PTPRF: variants seen among roughly 807,000 people sequenced by gnomAD.
PTPRF encodes the protein receptor-type tyrosine-protein phosphatase F.
PTPRF carries 59 observed loss-of-function variants against 201.8 expected under a neutral mutation model. That is an observed-to-expected ratio of 0.29 (90% CI 0.24 to 0.36). PTPRF has a LOEUF of 0.36. Among genes scored for constraint, PTPRF ranks in the 10% least tolerant of loss-of-function variants. The probability of loss-of-function intolerance (pLI) is 1.00; values close to 1 mark genes in which losing one functional copy is unlikely to be tolerated. For synonymous variants in PTPRF, 1,088 were observed against 1,089.7 expected (o/e 1.00, Z 0.03); for missense variants, 2,132 against 2,690.5 (o/e 0.79, Z 4.59).
chr1:43,525,804 CAAAAAAAAAAA>C (rs1179056466), upstream of PTPRF, among the ~76,000 whole-genome samples: 11 of 35,568 alleles, frequency 3.1e-4, 1 homozygote, highest in South Asian at 9.9e-3. Flanking sequence ...GACTCAGTCT[CAAAAAAAAAAA>C]AAAAAAAAAA....
chr1:43,598,006 G>C lies in PTPRF; in HGVS notation c.2072G>C (p.Gly691Ala), dbSNP rs1456513017. Residue 691 changes from glycine (G) to alanine (A), a missense_variant, in exon 12 of 34, where the codon GGC becomes GCC. Coordinates refer to ENST00000359947, the MANE Select transcript of PTPRF (RefSeq NM_002840.5). Reference sequence around the variant, plus strand: ...TGGGTGCGGGCACACACAGACGTGGGCCCCGGCCCCGAGAGCAGCCCGGTG... The same window carrying C: ...TGGGTGCGGGCACACACAGACGTGGCCCCCGGCCCCGAGAGCAGCCCGGTG... ...RVWVRAHTDV[G>A]PGPESSPVLV... 6.6e-7 allele frequency: 1 copy of C among 1,524,708 alleles called. No homozygotes were observed. 94.4% of individuals were successfully genotyped at this position (1,524,708 alleles called of 1,614,324 possible). A position where few individuals can be genotyped will look rare whatever the true frequency, so the allele number is the denominator to read the frequency against.
chr1:43,580,583 C>T (rs879258000), intron 7 of PTPRF, among the ~76,000 whole-genome samples: 6 of 152,224 alleles, frequency 3.9e-5, no homozygotes, highest in Admixed American at 6.5e-5. Flanking sequence ...TCCCAAATGG[C>T]CTAGAGGAGT....
Position 43,606,817 on chromosome 1 carries a change from C to T in PTPRF, c.3706C>T (p.Arg1236Cys), listed in dbSNP as rs928942520. 1.1e-5 allele frequency: 17 copies of T among 1,613,100 alleles called. No homozygotes were observed. The highest frequency in any genetic ancestry group is 4.0e-5 in the African/African-American group (3 of 74,932). Residue 1236 changes from arginine to cysteine, a missense_variant, in exon 21 of 34, where the codon CGC (arginine) becomes TGC (cysteine). Arg to Cys is a radical substitution (Grantham distance 180). Coordinates refer to ENST00000359947, the MANE Select transcript of PTPRF (RefSeq NM_002840.5). ...GCTGTTCTCCACCGGGCCACAGAAG[C>T]GCTATGCCTCCAGCCCCTACTCGGA... is the stretch of plus-strand genomic sequence containing the variant. ...ASLKEPMDQK[R>C]YASSPYSDEI...
chr1:43,569,722 ACTTC>A lies in PTPRF; in HGVS notation c.519_522del (p.Pro174Ter). The A allele has an allele frequency of 6.2e-7, 1 of 1,613,922 alleles. No homozygotes were observed. Among genetic ancestry groups the A allele is most frequent in the Non-Finnish European group, 8.5e-7 (1 of 1,179,914 alleles). On this transcript the variant is annotated frameshift_variant, in exon 6 of 34. Coordinates refer to ENST00000359947, the MANE Select transcript of PTPRF (RefSeq NM_002840.5). LOFTEE classifies it high-confidence loss of function. ...GACCCTGAGATTTCTTGGTTCAAGGACTTCCTTCCTGTAGACCCTGCCACGAGCA... is the reference window on the plus strand; with the variant it reads ...GACCCTGAGATTTCTTGGTTCAAGGACTTCCTGTAGACCCTGCCACGAGCA...
chr1:43,580,318 T>C (rs567855597), intron 7 of PTPRF, among the ~76,000 whole-genome samples: 5 of 152,298 alleles, frequency 3.3e-5, no homozygotes, highest in South Asian at 2.1e-4. Context: ...AATACACTTA[T>C]CAAGGAGTTG....
Position 43,619,818 on chromosome 1 carries a change from G to A in PTPRF, c.5071G>A (p.Gly1691Ser). 1 of 1,614,226 alleles carries A rather than the reference G, an allele frequency of 6.2e-7. No individual in the cohort carries two copies. The highest frequency in any genetic ancestry group is 8.5e-7 in the Non-Finnish European group (1 of 1,180,014). Residue 1691 changes from glycine (G) to serine (S), a missense_variant, in exon 29 of 34, where the codon GGC becomes AGC. Gly to Ser is a moderately conservative substitution (Grantham distance 56, BLOSUM62 0). This residue lies in a region of PTPRF where 519 missense variants were observed against 659.5 expected (regional missense o/e 0.79). Coordinates refer to ENST00000359947, the MANE Select transcript of PTPRF (RefSeq NM_002840.5). ...VCLQPIRGVE[G>S]SDYINASFLD... ...TCTGCAGCCCATCCGTGGTGTGGAG[G>A]GCTCTGACTACATCAATGCCAGCTT...
rs527792009 is a variant in PTPRF at position 43,608,670 on chromosome 1, C to T, written c.3858-713C>T. 6.6e-5 allele frequency among the ~76,000 whole-genome samples: 10 copies of T among 152,354 alleles called. No individual in the cohort carries two copies. The East Asian group carries it at 1.2e-3, about 18-fold the overall frequency. ...TCTCTGAGAAGTTGCCTAAGTGCTGCGAGAGACAGTCTCGCACAGAGCAAA... is the reference window on the plus strand; with the variant it reads ...TCTCTGAGAAGTTGCCTAAGTGCTGTGAGAGACAGTCTCGCACAGAGCAAA... On this transcript the variant is annotated intron_variant, in intron 21 of 33. Coordinates refer to ENST00000359947, the MANE Select transcript of PTPRF (RefSeq NM_002840.5).
intron 5 of PTPRF, among the ~76,000 whole-genome samples, chr1:43,562,354 C>T (rs57165268): frequency 0.027 from 4,167 of 152,060 alleles, 198 homozygotes; most frequent in African/African-American, 0.094. Flanking sequence ...ATGATCCACC[C>T]GCCTCAGCCT....
rs763115074 is a variant in PTPRF, at chr1:43,588,715, C to T, written c.680-16C>T. The T allele has an allele frequency of 5.6e-6, 9 of 1,611,622 alleles. No homozygotes were observed. Among genetic ancestry groups the T allele is most frequent in the Admixed American group, 1.7e-5 (1 of 59,952 alleles). The stretch of plus-strand genomic sequence containing the variant: ...TCCTGCCCGGCCTGTGAGTGCCTCT[C>T]TCCCTCCTCCTGCAGTGCGCCGCGT... On this transcript the variant is annotated splice_polypyrimidine_tract_variant and intron_variant, in intron 7 of 33. Transcript: ENST00000359947. The surrounding 1 kb of genome is among the most constrained non-coding windows in gnomAD (Gnocchi z 5.3).
upstream of PTPRF, among the ~76,000 whole-genome samples, chr1:43,526,324 G>A (rs1643107520): frequency 6.6e-6 from 1 of 152,190 alleles, no homozygotes; most frequent in Admixed American, 6.5e-5. Context: ...AGGCACTGCA[G>A]CTCATGGCTG....
chr1:43,557,005 T>A (rs1157651970), intron 5 of PTPRF, among the ~76,000 whole-genome samples: 1 of 152,236 alleles, frequency 6.6e-6, no homozygotes, highest in Non-Finnish European at 1.5e-5. Flanking sequence ...ACTTCTGACC[T>A]GTTTCCCCAC....
At position 43,617,821 on chromosome 1, in the gene PTPRF, G is replaced by C; in HGVS notation, c.4281G>C (p.Leu1427=). 1 of 1,614,008 alleles carries C rather than the reference G, an allele frequency of 6.2e-7. No homozygotes were observed. Among genetic ancestry groups the C allele is most frequent in the Non-Finnish European group, 8.5e-7 (1 of 1,179,932 alleles). ...QNAYIATQGP[L]PETMGDFWRM... ...CCTACATCGCCACGCAGGGCCCCCT[G>C]CCCGAGACCATGGGTGATTTCTGGA... is the stretch of plus-strand genomic sequence containing the variant. Residue 1427 remains leucine, a synonymous_variant, in exon 25 of 34, where the codon CTG becomes CTC. Coordinates refer to ENST00000359947, the MANE Select transcript of PTPRF (RefSeq NM_002840.5).
At chr1:43,584,537 G>A (rs945725315) in intron 7 of PTPRF, among the ~76,000 whole-genome samples, 6 of 151,650 alleles carry the variant, frequency 4.0e-5, no homozygotes, top group African/African-American at 1.5e-4. Flanking sequence ...CTGGTCCCTC[G>A]TCCCCTCCCT....
chr1:43,577,597 G>A (rs189308759), intron 6 of PTPRF, among the ~76,000 whole-genome samples: 350 of 152,324 alleles, frequency 2.3e-3, no homozygotes, highest in African/African-American at 8.0e-3. Flanking sequence ...GGCCCCAACC[G>A]TGAGAGCATG....
chr1:43,620,004 T>C, intron 29 of PTPRF, 91 bp from the exon 30 acceptor site: 2 of 1,581,230 alleles, frequency 1.3e-6, no homozygotes, highest in East Asian at 4.5e-5. Context: ...GGAGGGGTGA[T>C]CTGAGCAGGG....
intron 1 of PTPRF, among the ~76,000 whole-genome samples, chr1:43,536,585 G>T (rs1488297927): frequency 6.6e-6 from 1 of 152,184 alleles, no homozygotes; most frequent in Non-Finnish European, 1.5e-5. Flanking sequence ...TCTGCCCAGG[G>T]TCTCTGCACA....
intron 5 of PTPRF, among the ~76,000 whole-genome samples, chr1:43,557,059 A>G (rs561722375): frequency 7.9e-5 from 12 of 152,300 alleles, no homozygotes; most frequent in African/African-American, 2.4e-4. Flanking sequence ...CAGTCCTCCT[A>G]TTGGCAGCTG....
chr1:43,585,068 C>T (rs930081870), intron 7 of PTPRF, among the ~76,000 whole-genome samples: 8 of 152,196 alleles, frequency 5.3e-5, no homozygotes, highest in Non-Finnish European at 7.3e-5. Flanking sequence ...GCACAGGGAA[C>T]GGTAATATAC....
At chr1:43,607,584 A>G (rs1038418366) in intron 21 of PTPRF, among the ~76,000 whole-genome samples, 2 of 152,200 alleles carry the variant, frequency 1.3e-5, no homozygotes, top group Non-Finnish European at 2.9e-5. Context: ...GGGATTTCCA[A>G]AGATTTAACT....
Sources: allele counts gnomAD v4.1 joint callset (sites outside exome capture counted in the v4.1 genomes callset), GRCh38; gene constraint gnomAD v4.1.1; regional missense constraint gnomAD v4.1.1; non-coding constraint Gnocchi (gnomAD v3.1); transcripts MANE v1.5; gene names NCBI Gene and HGNC (gene_info 2026-07-23, HGNC 2026-07-21).